The following GALNT17 variants were observed in gnomAD, a reference collection of about 807,000 sequenced individuals.
GALNT17 encodes the protein UDP-GalNAc:polypeptide N-acetylgalactosaminyltransferase-like 3.
In GALNT17, 29 loss-of-function variants were observed where a neutral mutation model predicts 63.7. The observed-to-expected ratio is 0.46, with a 90% CI of 0.34 to 0.62. The LOEUF is 0.62. Ranked by LOEUF, GALNT17 falls within the 20% of genes least tolerant of loss-of-function variation. The pLI is 0.01. For missense variants in GALNT17, 603 were observed against 799.6 expected, an observed-to-expected ratio of 0.75 and a Z score of 2.97; for synonymous variants, 305 against 318.3, an observed-to-expected ratio of 0.96 and a Z score of 0.45.
chr7:71,247,296 T>G (rs1347618452), intron 1 of GALNT17, among the ~76,000 whole-genome samples: 10 of 152,166 alleles, frequency 6.6e-5, no homozygotes, highest in Non-Finnish European at 1.5e-4. Context: ...AATACTAACC[T>G]CGTTATAGCT....
intron 1 of GALNT17, among the ~76,000 whole-genome samples, chr7:71,188,942 GT>G (rs1229910617): frequency 2.6e-5 from 4 of 152,108 alleles, no homozygotes; most frequent in Non-Finnish European, 5.9e-5. Context: ...ATACACCTTG[GT>G]ATATTGATTG....
intron 1 of GALNT17, among the ~76,000 whole-genome samples, chr7:71,315,811 T>G (rs1364408013): frequency 6.6e-6 from 1 of 152,120 alleles, no homozygotes; most frequent in Non-Finnish European, 1.5e-5. Context: ...ATAGACTGTT[T>G]CCACAGACTC....
chr7:71,368,518 C>T (rs1413539770), intron 2 of GALNT17, among the ~76,000 whole-genome samples: 1 of 152,110 alleles, frequency 6.6e-6, no homozygotes. Context: ...CTCTGTGAAA[C>T]CTTCCCTGGG....
chr7:71,401,970 A>T (rs1399088433), intron 3 of GALNT17, among the ~76,000 whole-genome samples: 1 of 152,230 alleles, frequency 6.6e-6, no homozygotes, highest in Non-Finnish European at 1.5e-5. Flanking sequence ...TCCTGGTGCC[A>T]AAAAGGTTGG....
At chr7:71,613,231 G>A (rs985124666) in intron 6 of GALNT17, among the ~76,000 whole-genome samples, 57 of 152,298 alleles carry the variant, frequency 3.7e-4, no homozygotes, top group African/African-American at 1.0e-3. Context: ...TGGTACATTC[G>A]TATGTGATAA....
At chr7:71,480,833 A>T (rs542974438) in intron 5 of GALNT17, among the ~76,000 whole-genome samples, 1 of 152,288 alleles carries the variant, frequency 6.6e-6, no homozygotes, top group South Asian at 2.1e-4. Context: ...GAAGTCAAGG[A>T]TGTTGTCTTT....
intron 2 of GALNT17, among the ~76,000 whole-genome samples, chr7:71,354,553 C>A (rs1483681349): frequency 2.6e-5 from 4 of 151,760 alleles, no homozygotes; most frequent in African/African-American, 7.3e-5. Flanking sequence ...AATGTTAAAC[C>A]AAATTTATAT....
At chr7:71,519,058 C>G (rs1788485916) in intron 5 of GALNT17, among the ~76,000 whole-genome samples, 1 of 152,150 alleles carries the variant, frequency 6.6e-6, no homozygotes, top group Non-Finnish European at 1.5e-5. Flanking sequence ...GTGTTACCCT[C>G]AGGCTTGGGT....
intron 1 of GALNT17, among the ~76,000 whole-genome samples, chr7:71,213,513 G>A (rs1789420540): frequency 6.6e-6 from 1 of 152,154 alleles, no homozygotes; most frequent in South Asian, 2.1e-4. Flanking sequence ...GACATTTTAT[G>A]TTAACTATAT....
chr7:71,502,945 T>C (rs1353286913), intron 5 of GALNT17, among the ~76,000 whole-genome samples: 1 of 152,226 alleles, frequency 6.6e-6, no homozygotes, highest in Non-Finnish European at 1.5e-5. Context: ...ACCGTGTTAC[T>C]AAGTCAGACA....
At position 71,240,402 on chromosome 7, in the gene GALNT17, GT is replaced by G. The variant is rs1209348252; in HGVS notation, c.239-95143del. Among the ~76,000 whole-genome samples the G allele has an allele frequency of 5.9e-5, 9 of 152,296 alleles. No individual in the cohort carries two copies. The East Asian group carries it at 1.7e-3, about 29-fold the overall frequency. On this transcript the variant is annotated intron_variant, in intron 1 of 10. Coordinates refer to ENST00000333538, the MANE Select transcript of GALNT17 (RefSeq NM_022479.3). ...TAGGTAGCACAGTATCCAGTAGGTAGTTTTTCAACACTCACTTCCCTTCTTG... is the reference window on the plus strand; with the variant it reads ...TAGGTAGCACAGTATCCAGTAGGTAGTTTTCAACACTCACTTCCCTTCTTG...
chr7:71,176,944 T>C (rs1788650017), intron 1 of GALNT17, among the ~76,000 whole-genome samples: 1 of 152,296 alleles, frequency 6.6e-6, no homozygotes, highest in Non-Finnish European at 1.5e-5. Context: ...GAGCTTTGTC[T>C]CTAGAAGCGG....
At chr7:71,385,360 C>T (rs1792922132) in intron 2 of GALNT17, among the ~76,000 whole-genome samples, 1 of 152,198 alleles carries the variant, frequency 6.6e-6, no homozygotes, top group African/African-American at 2.4e-5. Flanking sequence ...ATATCCAGCC[C>T]CTTTAAGATC....
chr7:71,459,274 A>C (rs540140680), intron 5 of GALNT17, among the ~76,000 whole-genome samples: 1 of 152,344 alleles, frequency 6.6e-6, no homozygotes, highest in Non-Finnish European at 1.5e-5. Context: ...ACAGAAAAAA[A>C]AAGTGACAGA....
chr7:71,315,351 T>C (rs928689045), intron 1 of GALNT17, among the ~76,000 whole-genome samples: 9 of 152,244 alleles, frequency 5.9e-5, no homozygotes, highest in African/African-American at 1.9e-4. Flanking sequence ...TACAGGTTTT[T>C]GTGTGGACAT....
intron 6 of GALNT17, among the ~76,000 whole-genome samples, chr7:71,616,286 TC>T (rs200447078): frequency 6.6e-6 from 1 of 151,584 alleles, no homozygotes; most frequent in African/African-American, 2.4e-5. Context: ...CCAGATTCTT[TC>T]CCCCCCGTCC....
At chr7:71,693,249 TACAC>T (rs201316633) in intron 9 of GALNT17, among the ~76,000 whole-genome samples, 10 of 124,350 alleles carry the variant, frequency 8.0e-5, no homozygotes, top group Admixed American at 2.7e-4. Flanking sequence ...CACATATATA[TACAC>T]ACACACACAT....
chr7:71,631,754 G>A (rs4636078), intron 6 of GALNT17, among the ~76,000 whole-genome samples: 20 of 152,230 alleles, frequency 1.3e-4, no homozygotes, highest in African/African-American at 4.8e-4. Context: ...AGCCATGGGA[G>A]GGTTTTGAGC....
chr7:71,334,011 C>T (rs1376232905), intron 1 of GALNT17, among the ~76,000 whole-genome samples: 8 of 152,058 alleles, frequency 5.3e-5, no homozygotes, highest in Non-Finnish European at 1.5e-5. Flanking sequence ...CATGAGGGAG[C>T]AGGTAGAAAG....
Sources: gnomAD v4.1 joint callset for allele counts (sites outside exome capture counted in the v4.1 genomes callset) on GRCh38, gnomAD v4.1.1 for gene constraint, MANE v1.5 for transcripts, NCBI Gene and HGNC (gene_info 2026-07-23, HGNC 2026-07-21) for gene names.